The following RNF19B variants were observed in gnomAD, a reference collection of about 807,000 sequenced individuals.
RNF19B encodes the protein E3 ubiquitin-protein ligase RNF19B.
In RNF19B, 23 loss-of-function variants were observed where a neutral mutation model predicts 65.5. The ratio of observed to expected loss-of-function variants is 0.35; its 90% CI spans 0.25 to 0.50. The LOEUF (loss-of-function observed/expected upper bound fraction) is 0.50. Among genes scored for constraint, RNF19B ranks in the 20% least tolerant of loss-of-function variants. The pLI is 0.98. For synonymous variants in RNF19B, 372 were observed against 379.6 expected, an observed-to-expected ratio of 0.98 and a Z score of 0.23; for missense variants, 794 against 980.0, an observed-to-expected ratio of 0.81 and a Z score of 2.53.
downstream of RNF19B, among the ~76,000 whole-genome samples, chr1:32,933,515 A>T (rs537800160): frequency 6.6e-6 from 1 of 152,096 alleles, no homozygotes; most frequent in African/African-American, 2.4e-5. Flanking sequence ...TCAGCCTCCC[A>T]AAGTGCTGGG....
intron 7 of RNF19B, 111 bp from the exon 8 acceptor site, chr1:32,938,639 C>T: frequency 9.1e-7 from 1 of 1,101,300 alleles, no homozygotes; most frequent in Non-Finnish European, 1.3e-6. Flanking sequence ...GGTTGTCTGT[C>T]TGATCTTCTC....
chr1:32,938,345 A>G, intron 8 of RNF19B, 52 bp downstream of exon 8: 1 of 1,608,304 alleles, frequency 6.2e-7, no homozygotes, highest in South Asian at 1.1e-5. Flanking sequence ...CTGAAGACCT[A>G]GTACCCAACG....
chr1:32,954,534 T>C (rs1642588198), intron 1 of RNF19B, among the ~76,000 whole-genome samples: 1 of 149,958 alleles, frequency 6.7e-6, no homozygotes, highest in Admixed American at 6.7e-5. Context: ...AGGTCAGGAG[T>C]TCAAGACCAG....
chr1:32,953,930 C>T (rs1339139428), intron 1 of RNF19B, among the ~76,000 whole-genome samples: 7 of 107,272 alleles, frequency 6.5e-5, no homozygotes, highest in East Asian at 5.6e-4. Context: ...TTTTTTGAGA[C>T]GGAGTTTCAC....
chr1:32,934,930 T>TC (rs1642072050), downstream of RNF19B, among the ~76,000 whole-genome samples: 1 of 151,868 alleles, frequency 6.6e-6, no homozygotes, highest in African/African-American at 2.4e-5. Context: ...CCTCCCGAGT[T>TC]CAAGTGATTC....
rs141531818 is a variant in RNF19B at position 32,946,201 on chromosome 1, A to T, written c.1146+201T>A. On this transcript the variant is annotated intron_variant, in intron 4 of 8. Transcript: ENST00000235150. ...ATTCTACCTTTAAGTCACTGAGACA[A>T]GCCAGGCCCAGGATGTTAATAAGAA... 1.8e-3 allele frequency among the ~76,000 whole-genome samples: 277 copies of T among 152,304 alleles called. 2 individuals carry two copies. The highest frequency in any genetic ancestry group is 6.1e-3 in the African/African-American group (252 of 41,568).
chr1:32,961,017 A>C (rs79868407), intron 1 of RNF19B, among the ~76,000 whole-genome samples: 1 of 63,656 alleles, frequency 1.6e-5, no homozygotes, highest in Non-Finnish European at 3.1e-5. Context: ...CGCTGTCTCA[A>C]AAAAAAAGAG....
At chr1:32,937,302 T>A (rs1237534800) in intron 8 of RNF19B, 43 bp from the exon 9 acceptor site, 2 of 1,610,996 alleles carry the variant, frequency 1.2e-6, no homozygotes, top group Admixed American at 3.3e-5. Context: ...GCATGGATCA[T>A]GCTAAACCTG....
At chr1:32,945,429 A>C (rs1378760881) in intron 5 of RNF19B, 85 bp downstream of exon 5, 1 of 786,182 alleles carries the variant, frequency 1.3e-6, no homozygotes, top group Non-Finnish European at 2.2e-6. Flanking sequence ...AAAATGTAGG[A>C]GTCTTTGAGA....
At position 32,964,498 on chromosome 1, in the gene RNF19B, GGCT is replaced by G. The variant is rs1570135316; in HGVS notation, c.185_187del (p.Gln62del). On this transcript the variant is annotated inframe_deletion, in exon 1 of 9. Transcript: ENST00000235150. This position sits in a 1 kb window ranked among gnomAD's most constrained non-coding sequence, Gnocchi z 6.5. ...CGCGGCAGGGGCCGGGGCGGGCGGC[GGCT>G]GCGCAGCCGGGGGCGGCGGCTCGGC... 2.1e-6 allele frequency: 2 copies of G among 951,212 alleles called. No homozygotes were observed. Among genetic ancestry groups the G allele is most frequent in the Non-Finnish European group, 2.5e-6 (2 of 802,144 alleles). 58.9% of individuals were successfully genotyped at this position (951,212 alleles called of 1,614,324 possible). A position where few individuals can be genotyped will look rare whatever the true frequency, so the allele number is the denominator to read the frequency against.
Position 32,955,909 on chromosome 1 carries a change from A to C in RNF19B, c.636-6135T>G, listed in dbSNP as rs537507524. Among the ~76,000 whole-genome samples, 24 of 152,308 alleles carry C rather than the reference A, an allele frequency of 1.6e-4. No homozygotes were observed. The South Asian group carries it at 3.9e-3, about 25-fold the overall frequency. ...GGCTTGCTAATCAGAAGCTAAAAGA[A>C]AGGTGTAGAAAATTACATGCTGTGA... On this transcript the variant is annotated intron_variant, in intron 1 of 8. Coordinates refer to ENST00000235150, the MANE Select transcript of RNF19B (RefSeq NM_001300826.2).
intron 3 of RNF19B, 121 bp downstream of exon 3, chr1:32,948,101 G>A: frequency 1.0e-6 from 1 of 962,700 alleles, no homozygotes; most frequent in South Asian, 1.7e-5. Context: ...CATGTCAGAA[G>A]AAGTTTTCAC....
At chr1:32,958,439 G>A (rs371927528) in intron 1 of RNF19B, among the ~76,000 whole-genome samples, 15 of 152,230 alleles carry the variant, frequency 9.9e-5, no homozygotes, top group African/African-American at 2.4e-4. Flanking sequence ...GGAGATGGCC[G>A]GGCGTGGTGG....
At chr1:32,954,817 G>A (rs1394263618) in intron 1 of RNF19B, among the ~76,000 whole-genome samples, 1 of 151,200 alleles carries the variant, frequency 6.6e-6, no homozygotes, top group Non-Finnish European at 1.5e-5. Context: ...ACATTCAAAC[G>A]TAGCTAAACA....
At chr1:32,952,868 GC>G (rs1359030749) in intron 1 of RNF19B, among the ~76,000 whole-genome samples, 1 of 150,344 alleles carries the variant, frequency 6.7e-6, no homozygotes, top group African/African-American at 2.5e-5. Flanking sequence ...AGCCACGTTT[GC>G]GCCACTGCAC....
At chr1:32,936,179 C>T (rs1297296383), downstream of RNF19B, among the ~76,000 whole-genome samples, 1 of 152,108 alleles carries the variant, frequency 6.6e-6, no homozygotes, top group Non-Finnish European at 1.5e-5. Flanking sequence ...TTCTAGAGGG[C>T]AAACAAAGTT....
At chr1:32,943,427 C>G (rs938386413) in intron 6 of RNF19B, among the ~76,000 whole-genome samples, 1 of 151,506 alleles carries the variant, frequency 6.6e-6, no homozygotes, top group Non-Finnish European at 1.5e-5. Context: ...CTGGCTAACA[C>G]GGTGAAACAC....
intron 6 of RNF19B, 72 bp from the exon 7 acceptor site, chr1:32,942,531 T>C (rs1266454434): frequency 1.5e-6 from 2 of 1,337,726 alleles, no homozygotes; most frequent in Non-Finnish European, 2.1e-6. Flanking sequence ...TTTCCTGCAA[T>C]GACTTTTCAG....
Position 32,951,080 on chromosome 1 carries a change from G to A in RNF19B, c.636-1306C>T, listed in dbSNP as rs186517380. On this transcript the variant is annotated intron_variant, in intron 1 of 8. Coordinates refer to ENST00000235150, the MANE Select transcript of RNF19B (RefSeq NM_001300826.2). ...TCTCGATCTCTTGACCTTATGATCC[G>A]CCCTCCTCGGCCTCCCAAAGTGCTG... 5.1e-3 allele frequency among the ~76,000 whole-genome samples: 780 copies of A among 152,050 alleles called. 9 individuals are homozygous for A. Among genetic ancestry groups the A allele is most frequent in the African/African-American group, 0.017 (724 of 41,488 alleles).
Sources: gnomAD v4.1 joint callset for allele counts (sites outside exome capture counted in the v4.1 genomes callset) on GRCh38, gnomAD v4.1.1 for gene constraint, Gnocchi (gnomAD v3.1) non-coding constraint, MANE v1.5 for transcripts, NCBI Gene and HGNC (gene_info 2026-07-23, HGNC 2026-07-21) for gene names.